TYW1: variants seen among roughly 807,000 people sequenced by gnomAD.
The protein encoded by TYW1 is tRNA-yW synthesizing protein 1 homolog, also known as S-adenosyl-L-methionine-dependent tRNA 4-demethylwyosine synthase TYW1.
Under a neutral mutation model 96.2 loss-of-function variants are expected in TYW1, and 46 were observed. The ratio of observed to expected loss-of-function variants is 0.48; its 90% CI spans 0.38 to 0.61. The LOEUF is 0.61. Ranked by LOEUF, TYW1 falls within the 20% of genes least tolerant of loss-of-function variation. The pLI is 0.00. For missense variants in TYW1, 684 were observed against 909.6 expected (o/e 0.75, Z 3.19); for synonymous variants, 274 against 323.0 (o/e 0.85, Z 1.63).
At chr7:67,222,866 C>CTTTCTTTT (rs1350109180) in intron 15 of TYW1, among the ~76,000 whole-genome samples, 5 of 109,626 alleles carry the variant, frequency 4.6e-5, no homozygotes, top group African/African-American at 1.1e-4. Flanking sequence ...CGCTTTTTTT[C>CTTTCTTTT]TTTTTTTTTT....
intron 7 of TYW1, among the ~76,000 whole-genome samples, chr7:67,047,383 G>T (rs554959647): frequency 3.5e-4 from 53 of 152,272 alleles, no homozygotes; most frequent in African/African-American, 1.3e-3. Flanking sequence ...AAAGGCAAAG[G>T]ATTCCTTCTA....
At chr7:67,083,573 A>G (rs1796449107) in intron 11 of TYW1, 34 bp downstream of exon 11, 1 of 1,607,468 alleles carries the variant, frequency 6.2e-7, no homozygotes, top group Admixed American at 1.7e-5. Flanking sequence ...GAATGCTAAT[A>G]CCTGTTAATA....
At chr7:67,172,555 G>T in intron 13 of TYW1, among the ~76,000 whole-genome samples, 1 of 151,750 alleles carries the variant, frequency 6.6e-6, no homozygotes, top group East Asian at 1.9e-4. Context: ...CGAGTAGCTG[G>T]GATTACAGGT....
chr7:67,179,258 T>A lies in TYW1; in HGVS notation c.1699-3868T>A, dbSNP rs1294257869. On this transcript the variant is annotated intron_variant, in intron 13 of 15. Transcript: ENST00000359626. ...GGGTTGTTGCATGGCATTTGTAAACTGTCATGGCCCTGGTGGGAGTGTCTT... is the reference window on the plus strand; with the variant it reads ...GGGTTGTTGCATGGCATTTGTAAACAGTCATGGCCCTGGTGGGAGTGTCTT... 2.9e-5 allele frequency among the ~76,000 whole-genome samples: 4 copies of A among 135,710 alleles called. 1 individual carries two copies. Among genetic ancestry groups the A allele is most frequent in the Non-Finnish European group, 6.3e-5 (4 of 63,298 alleles). 89.0% of individuals were successfully genotyped at this position (135,710 alleles called of 152,430 possible).
intron 7 of TYW1, among the ~76,000 whole-genome samples, chr7:67,046,793 T>TCC (rs1446023663): frequency 6.6e-6 from 1 of 152,206 alleles, no homozygotes; most frequent in Non-Finnish European, 1.5e-5. Context: ...ATTTTGTTTG[T>TCC]CCTGAGTGCT....
At chr7:67,089,856 C>G (rs1796658864) in intron 11 of TYW1, among the ~76,000 whole-genome samples, 1 of 152,216 alleles carries the variant, frequency 6.6e-6, no homozygotes, top group Non-Finnish European at 1.5e-5. Context: ...AATTTCAGTG[C>G]CACTCAGCGT....
chr7:67,048,785 T>A (rs540911746), intron 7 of TYW1, among the ~76,000 whole-genome samples: 1 of 152,358 alleles, frequency 6.6e-6, no homozygotes, highest in South Asian at 2.1e-4. Flanking sequence ...AAAAATATCC[T>A]GCATAGGATC....
chr7:67,209,636 G>A (rs192843017), intron 15 of TYW1, among the ~76,000 whole-genome samples: 27 of 152,080 alleles, frequency 1.8e-4, no homozygotes, highest in Admixed American at 1.5e-3. Flanking sequence ...GCAGTGGCGC[G>A]ATCTCAGCTC....
intron 9 of TYW1, among the ~76,000 whole-genome samples, chr7:67,063,758 C>T (rs2115649178): frequency 6.6e-6 from 1 of 152,154 alleles, no homozygotes; most frequent in East Asian, 1.9e-4. Context: ...TGCCCGCCAC[C>T]AAGCCCAGCT....
At chr7:67,090,230 A>T (rs1251809818) in intron 11 of TYW1, among the ~76,000 whole-genome samples, 2 of 152,204 alleles carry the variant, frequency 1.3e-5, no homozygotes, top group African/African-American at 4.8e-5. Context: ...TTTATGAAAA[A>T]CCTCAAGTGG....
At chr7:67,059,035 G>A (rs1207568877) in intron 9 of TYW1, among the ~76,000 whole-genome samples, 1 of 138,702 alleles carries the variant, frequency 7.2e-6, no homozygotes, top group Non-Finnish European at 1.6e-5. Flanking sequence ...TTTTGGGGAG[G>A]TACAGGAAGA....
At chr7:67,102,148 A>G (rs60356903) in intron 12 of TYW1, among the ~76,000 whole-genome samples, 1 of 152,040 alleles carries the variant, frequency 6.6e-6, no homozygotes, top group South Asian at 2.1e-4. Flanking sequence ...TAGTAGGATA[A>G]AGTAATTTTT....
intron 15 of TYW1, among the ~76,000 whole-genome samples, chr7:67,199,383 C>T (rs1316903378): frequency 6.6e-6 from 1 of 152,144 alleles, no homozygotes; most frequent in Non-Finnish European, 1.5e-5. Context: ...TTTGTTCAGC[C>T]AACTACTTTG....
intron 15 of TYW1, among the ~76,000 whole-genome samples, chr7:67,223,125 A>G (rs1304970266): frequency 6.6e-6 from 1 of 152,068 alleles, no homozygotes; most frequent in Admixed American, 6.5e-5. Flanking sequence ...GAGCATCTTT[A>G]AGATCGCTGT....
intron 10 of TYW1, among the ~76,000 whole-genome samples, chr7:67,068,797 C>T (rs534154200): frequency 3.9e-5 from 6 of 152,240 alleles, no homozygotes; most frequent in Admixed American, 1.3e-4. Flanking sequence ...TTGGATCATC[C>T]GCAGTCATTT....
In TYW1 at chr7:67,064,366, A is replaced by G. The variant is rs1427015072; in HGVS notation, c.1156-2919A>G. Among the ~76,000 whole-genome samples the G allele has an allele frequency of 7.9e-5, 12 of 152,322 alleles. No homozygotes were observed. In the East Asian group the frequency reaches 1.9e-3, roughly 24 times the overall value. ...AGAGATAGACATATAAATCAAGGGA[A>G]AGACTAGAGATCTCAGAAATAGACT... On this transcript the variant is annotated intron_variant, in intron 9 of 15. Transcript: ENST00000359626.
intron 15 of TYW1, among the ~76,000 whole-genome samples, chr7:67,227,721 A>G (rs1170422004): frequency 6.6e-6 from 1 of 151,900 alleles, no homozygotes; most frequent in Non-Finnish European, 1.5e-5. Flanking sequence ...GGACACCAAG[A>G]CTCAGGTGCA....
intron 14 of TYW1, among the ~76,000 whole-genome samples, chr7:67,191,289 T>C (rs577567780): frequency 1.3e-5 from 2 of 152,206 alleles, no homozygotes; most frequent in South Asian, 4.2e-4. Flanking sequence ...GCAGCCCCCA[T>C]CTCCTAGGGC....
Position 67,022,375 on chromosome 7 carries a change from TAA to T in TYW1, c.862-2522_862-2521del, listed in dbSNP as rs1353302402. Among the ~76,000 whole-genome samples the T allele has an allele frequency of 3.3e-5, 5 of 152,282 alleles. No individual in the cohort carries two copies. In the East Asian group the frequency reaches 9.6e-4, roughly 29 times the overall value. ...ATACTTACAATTTGGTGTTTTACAG[TAA>T]AAGTTTACTGACTTCTTGTCCAGGA... On this transcript the variant is annotated intron_variant, in intron 6 of 15. Transcript: ENST00000359626.
Sources: allele counts gnomAD v4.1 joint callset (sites outside exome capture counted in the v4.1 genomes callset), GRCh38; gene constraint gnomAD v4.1.1; transcripts MANE v1.5; gene names NCBI Gene and HGNC (gene_info 2026-07-23, HGNC 2026-07-21).